Variants in VWF observed in about 807,000 individuals in gnomAD.
VWF encodes von Willebrand factor.
VWF carries 176 observed loss-of-function variants against 308.6 expected under a neutral mutation model. The observed-to-expected ratio is 0.57, with a 90% confidence interval of 0.50 to 0.65. The LOEUF (loss-of-function observed/expected upper bound fraction) is 0.65. Among genes scored for constraint, VWF ranks in the 30% least tolerant of loss-of-function variants. VWF has a pLI of 0.00. For missense variants in VWF, 3,146 were observed against 3,648.2 expected (o/e 0.86, Z 3.55); for synonymous variants, 1,385 against 1,443.4 (o/e 0.96, Z 0.92).
At position 6,020,296 on chromosome 12, in the gene VWF, A is replaced by G. The variant is rs560699871; in HGVS notation, c.3675-553T>C. On this transcript the variant is annotated intron_variant, in intron 27 of 51. Coordinates refer to ENST00000261405, the MANE Select transcript of VWF (RefSeq NM_000552.5). This position sits in a 1 kb window ranked among gnomAD's most constrained non-coding sequence, Gnocchi z 4.3. ...AGAGAGAAAAAATTGGAGCAAAAAC[A>G]TTGTAGAAAGATGAATAAAGATTCA... 4.6e-5 allele frequency among the ~76,000 whole-genome samples: 7 copies of G among 152,398 alleles called. No homozygotes were observed. The South Asian group carries it at 1.4e-3, about 32-fold the overall frequency.
intron 14 of VWF, among the ~76,000 whole-genome samples, chr12:6,057,311 A>ATTTTTTTTTTTCTTT (rs1407594065): frequency 2.3e-5 from 3 of 129,428 alleles, no homozygotes; most frequent in African/African-American, 6.1e-5. Context: ...GGACTATGGA[A>ATTTTTTTTTTTCTTT]TTTTTTTTTT....
Position 6,056,951 on chromosome 12 carries a change from G to T in VWF, c.1851C>A (p.Asp617Glu), listed in dbSNP as rs1291576203. The T allele has an allele frequency of 7.2e-6, 11 of 1,537,908 alleles. No individual in the cohort carries two copies. Among genetic ancestry groups the T allele is most frequent in the Non-Finnish European group, 8.7e-6 (10 of 1,147,010 alleles). The change falls in exon 15 of 52, where the codon GAC becomes GAA. Residue 617 changes from aspartate to glutamate, a missense_variant. Physicochemically the swap from Asp to Glu is conservative, Grantham distance 45. Transcript: ENST00000261405. ...GGGCGCCGCACAGGCACTCGCGGCC[G>T]TCCGAGCAGGAGCACACGTCGTAGC... ...NCRYDVCSCS[D>E]GRECLCGALA...
rs186536712 is a variant in VWF at position 5,960,503 on chromosome 12, C to G, written c.7888-6909G>C. Among the ~76,000 whole-genome samples the G allele has an allele frequency of 4.3e-4, 66 of 152,034 alleles. 1 individual carries two copies. The highest frequency in any genetic ancestry group is 1.5e-3 in the African/African-American group (62 of 41,472). On this transcript the variant is annotated intron_variant, in intron 47 of 51. Coordinates refer to ENST00000261405, the MANE Select transcript of VWF (RefSeq NM_000552.5). ...CATATTTTGTTGGATCTAGCATAAC[C>G]CTGACATCAAAATCTAACAAAAGCA... is the stretch of plus-strand genomic sequence containing the variant.
chr12:6,001,576 C>T (rs1480422388), intron 34 of VWF, among the ~76,000 whole-genome samples: 1 of 152,090 alleles, frequency 6.6e-6, no homozygotes, highest in Non-Finnish European at 1.5e-5. Context: ...TATCTATGCA[C>T]CAGACAACAT....
intron 5 of VWF, among the ~76,000 whole-genome samples, chr12:6,102,309 A>T (rs1430510840): frequency 6.6e-6 from 1 of 152,008 alleles, no homozygotes; most frequent in Non-Finnish European, 1.5e-5. Flanking sequence ...GCGCATGGTG[A>T]TGTGTGCCTG....
chr12:6,017,268 GA>G (rs1944073765), intron 28 of VWF, among the ~76,000 whole-genome samples: 1 of 152,218 alleles, frequency 6.6e-6, no homozygotes, highest in South Asian at 2.1e-4. Context: ...CCTGGACAAT[GA>G]GCTGCTGTGT....
intron 31 of VWF, 44 bp from the exon 32 acceptor site, chr12:6,013,689 G>C (rs745848485): frequency 1.2e-6 from 2 of 1,608,860 alleles, no homozygotes; most frequent in East Asian, 4.5e-5. Flanking sequence ...GGGCAAGAAG[G>C]CTCAAAATGG....
At chr12:6,041,097 A>G (rs1389090449) in intron 18 of VWF, among the ~76,000 whole-genome samples, 1 of 152,178 alleles carries the variant, frequency 6.6e-6, no homozygotes, top group Non-Finnish European at 1.5e-5. Flanking sequence ...AGTGGGAAGT[A>G]AGAGTTTAGA....
At position 5,969,312 on chromosome 12, in the gene VWF, T is replaced by C. The variant is rs1943442242; in HGVS notation, c.7628A>G (p.Gln2543Arg). The C allele has an allele frequency of 1.2e-6, 2 of 1,614,026 alleles. No individual in the cohort carries two copies. Among genetic ancestry groups the C allele is most frequent in the Admixed American group, 1.7e-5 (1 of 60,002 alleles). Residue 2543 changes from glutamine to arginine, a missense_variant, in exon 45 of 52, where the codon CAA becomes CGA. Gln to Arg is a conservative substitution (Grantham distance 43, BLOSUM62 1). Transcript: ENST00000261405. ...CTGGGGGCAGGAGACGTTCCTTTGTTGTATAAAGACCTCCTCCTTCACTCG... is the reference window on the plus strand; with the variant it reads ...CTGGGGGCAGGAGACGTTCCTTTGTCGTATAAAGACCTCCTCCTTCACTCG... Reference protein sequence around the residue: ...CVRVKEEVFIQQRNVSCPQLE... With the variant: ...CVRVKEEVFIRQRNVSCPQLE...
chr12:6,029,482 C>T lies in VWF; in HGVS notation c.2827G>A (p.Val943Met). 1 of 1,614,138 alleles carries T rather than the reference C, an allele frequency of 6.2e-7. No individual in the cohort carries two copies. Among genetic ancestry groups the T allele is most frequent in the Non-Finnish European group, 8.5e-7 (1 of 1,180,004 alleles). ...GTCTCATCCTTCATGGGCCTCTTCACATTCACCTGGAGGAAGACAAAGCAA... is the reference window on the plus strand; with the variant it reads ...GTCTCATCCTTCATGGGCCTCTTCATATTCACCTGGAGGAAGACAAAGCAA... ...EIELFDGEVN[V>M]KRPMKDETHF... The change falls in exon 22 of 52, where the codon GTG becomes ATG. Residue 943 changes from valine (V) to methionine (M), a missense_variant. By Grantham distance (21) the Val-to-Met change is conservative (BLOSUM62 1). Coordinates refer to ENST00000261405, the MANE Select transcript of VWF (RefSeq NM_000552.5).
At chr12:6,065,909 T>C (rs919781144) in intron 10 of VWF, among the ~76,000 whole-genome samples, 3 of 152,296 alleles carry the variant, frequency 2.0e-5, no homozygotes, top group East Asian at 3.9e-4. Context: ...GGCCATTGCT[T>C]TCTGCGTCCT....
chr12:6,057,397 C>T (rs1944592620), intron 14 of VWF, among the ~76,000 whole-genome samples: 1 of 147,136 alleles, frequency 6.8e-6, no homozygotes, highest in Non-Finnish European at 1.5e-5. Flanking sequence ...TCACTGCGGC[C>T]TTGCCTTCCT....
intron 18 of VWF, 45 bp from the exon 19 acceptor site, chr12:6,036,536 T>A: frequency 6.4e-7 from 1 of 1,572,636 alleles, no homozygotes. Flanking sequence ...CAGTGACTGA[T>A]CTAAAGCCCT....
intron 38 of VWF, among the ~76,000 whole-genome samples, chr12:5,988,795 C>T (rs1390768637): frequency 1.3e-5 from 2 of 152,348 alleles, no homozygotes; most frequent in Admixed American, 6.5e-5. Flanking sequence ...TGCAGGCAGG[C>T]AGTCGCAATC....
chr12:6,032,647 A>G (rs1400182170), intron 20 of VWF, among the ~76,000 whole-genome samples: 2 of 152,074 alleles, frequency 1.3e-5, no homozygotes, highest in African/African-American at 4.8e-5. Flanking sequence ...CAAAAAAAAA[A>G]AGAAAAAATA....
chr12:6,029,386 C>T lies in VWF; in HGVS notation c.2923G>A (p.Asp975Asn), dbSNP rs1388943262. ...LLGKALSVVWDRHLSISVVLK... is the reference protein window; with the variant it reads ...LLGKALSVVWNRHLSISVVLK... ...ACCACGGAGATGCTCAGGTGGCGGTCCCAGACCACGGAGAGGGCTTTGCCC... is the reference window on the plus strand; with the variant it reads ...ACCACGGAGATGCTCAGGTGGCGGTTCCAGACCACGGAGAGGGCTTTGCCC... The change falls in exon 22 of 52, where the codon GAC becomes AAC. Residue 975 changes from aspartate to asparagine, a missense_variant. Physicochemically the swap from Asp to Asn is conservative, Grantham distance 23 (BLOSUM62 1). Around this residue, in one of 3 missense-constraint regions of VWF, gnomAD observed 1,304 missense variants for 1,353.0 expected, o/e 0.96. Transcript: ENST00000261405. The T allele has an allele frequency of 1.9e-6, 3 of 1,614,010 alleles. No homozygotes were observed. In the Admixed American group the frequency reaches 5.0e-5, roughly 27 times the overall value.
rs1945033121 is a variant in VWF, at chr12:6,091,359, C to T, written c.657+4101G>A. Among the ~76,000 whole-genome samples the T allele has an allele frequency of 2.0e-5, 3 of 152,092 alleles. No individual in the cohort carries two copies. The South Asian group carries it at 6.2e-4, about 32-fold the overall frequency. On this transcript the variant is annotated intron_variant, in intron 6 of 51. Transcript: ENST00000261405. The stretch of plus-strand genomic sequence containing the variant: ...AATAGGAGAGGGCTGGGTTTCTCTA[C>T]TTATGTACTTACTTAGATAAATCAG...
At chr12:5,973,860 C>A (rs1943504713) in intron 43 of VWF, among the ~76,000 whole-genome samples, 1 of 152,190 alleles carries the variant, frequency 6.6e-6, no homozygotes, top group African/African-American at 2.4e-5. Context: ...CATGGAAAAT[C>A]CCCTCAAAGG....
chr12:6,017,896 T>G (rs1944080634), intron 28 of VWF, among the ~76,000 whole-genome samples: 1 of 152,182 alleles, frequency 6.6e-6, no homozygotes, highest in African/African-American at 2.4e-5. Context: ...ACCTGACACC[T>G]GACATCCTGG....
Sources: gnomAD v4.1 joint callset for allele counts (sites outside exome capture counted in the v4.1 genomes callset) on GRCh38, gnomAD v4.1.1 for gene constraint, gnomAD v4.1.1 regional missense constraint, Gnocchi (gnomAD v3.1) non-coding constraint, MANE v1.5 for transcripts, NCBI Gene and HGNC (gene_info 2026-07-23, HGNC 2026-07-21) for gene names.